The following SAMD3 variants were observed in gnomAD, a reference collection of about 807,000 sequenced individuals.
SAMD3 encodes sterile alpha motif domain-containing protein 3.
SAMD3 carries 63 observed loss-of-function variants against 58.5 expected under a neutral mutation model. That is an observed-to-expected ratio of 1.08 (90% confidence interval 0.88 to 1.33). The LOEUF (loss-of-function observed/expected upper bound fraction) is 1.33, where lower values mean the gene tolerates loss of function less well. Ranked by LOEUF, SAMD3 falls within the 40% of genes most tolerant of loss-of-function variation. The pLI, the probability that SAMD3 is intolerant of heterozygous loss-of-function variation, is 0.00. For synonymous variants in SAMD3, 220 were observed against 210.3 expected (o/e 1.05, Z -0.40); for missense variants, 604 against 608.4 (o/e 0.99, Z 0.08).
chr6:130,248,633 G>A (rs1403178104), intron 2 of SAMD3, among the ~76,000 whole-genome samples: 2 of 152,124 alleles, frequency 1.3e-5, no homozygotes, highest in Non-Finnish European at 2.9e-5. Flanking sequence ...GGCCTCAGGA[G>A]AAAGAAAAAA....
At chr6:130,302,764 A>G (rs967751489) in intron 2 of SAMD3, among the ~76,000 whole-genome samples, 1 of 152,206 alleles carries the variant, frequency 6.6e-6, no homozygotes, top group African/African-American at 2.4e-5. Context: ...AGAATGAAAT[A>G]ATATTTTTTT....
In SAMD3 at chr6:130,189,263, G is replaced by A. The variant is rs538463493; in HGVS notation, c.384-4640C>T. On this transcript the variant is annotated intron_variant, in intron 5 of 11. Coordinates refer to ENST00000439090, the MANE Select transcript of SAMD3 (RefSeq NM_001017373.4). Reference sequence around the variant, plus strand: ...TAATTTAGTTAAATGAAATCATAAGGTTGGGCCCTGAGATGACGGGATTGG... The same window carrying A: ...TAATTTAGTTAAATGAAATCATAAGATTGGGCCCTGAGATGACGGGATTGG... Among the ~76,000 whole-genome samples, 22 of 152,236 alleles carry A rather than the reference G, an allele frequency of 1.4e-4. No individual in the cohort carries two copies. The East Asian group carries it at 3.7e-3, about 25-fold the overall frequency.
chr6:130,340,292 T>C (rs903456608), intron 1 of SAMD3, among the ~76,000 whole-genome samples: 2 of 152,224 alleles, frequency 1.3e-5, no homozygotes, highest in African/African-American at 4.8e-5. Context: ...GGGGAGAATC[T>C]GTTTCCTTGC....
At chr6:130,149,588 G>T (rs1344509791) in intron 9 of SAMD3, among the ~76,000 whole-genome samples, 1 of 152,136 alleles carries the variant, frequency 6.6e-6, no homozygotes, top group African/African-American at 2.4e-5. Flanking sequence ...GGAGGCCATT[G>T]TTCTAAGCAA....
intron 8 of SAMD3, among the ~76,000 whole-genome samples, chr6:130,169,011 GC>G (rs966251787): frequency 6.6e-6 from 1 of 152,006 alleles, no homozygotes; most frequent in African/African-American, 2.4e-5. Flanking sequence ...TCACTATGTT[GC>G]CCAGGCTGGT....
chr6:130,297,031 G>T (rs369185384), intron 2 of SAMD3, among the ~76,000 whole-genome samples: 1 of 152,102 alleles, frequency 6.6e-6, no homozygotes, highest in Non-Finnish European at 1.5e-5. Flanking sequence ...TCCACCTGAC[G>T]ACAAGCCAGC....
At chr6:130,315,838 A>G (rs1171296192) in intron 1 of SAMD3, among the ~76,000 whole-genome samples, 1 of 152,154 alleles carries the variant, frequency 6.6e-6, no homozygotes, top group African/African-American at 2.4e-5. Flanking sequence ...TATTAATTCT[A>G]TAACGATGAG....
intron 1 of SAMD3, among the ~76,000 whole-genome samples, chr6:130,359,200 GAT>G (rs1043497185): frequency 6.6e-6 from 1 of 152,132 alleles, no homozygotes; most frequent in African/African-American, 2.4e-5. Flanking sequence ...AATTTTATAT[GAT>G]ATTTTTATCA....
chr6:130,345,770 C>A (rs72992440), intron 1 of SAMD3, among the ~76,000 whole-genome samples: 15,849 of 152,150 alleles, frequency 0.1, 979 homozygotes, highest in Admixed American at 0.14. Flanking sequence ...ACAAAAGAAG[C>A]CTGCCTGACT....
rs1279296761 is a variant in SAMD3 at position 130,337,974 on chromosome 6, A to G, written c.-303-24881T>C. On this transcript the variant is annotated intron_variant, in intron 1 of 13. Transcript: ENST00000368134. ...CATAAATAACAAGGTATCAAATGCT[A>G]ATCACCAAGGCAATGGGGAAAATTT... Among the ~76,000 whole-genome samples the G allele has an allele frequency of 2.0e-5, 3 of 152,250 alleles. No individual in the cohort carries two copies. In the East Asian group the frequency reaches 5.8e-4, roughly 29 times the overall value.
At chr6:130,245,559 CTG>C (rs1452065019) in intron 2 of SAMD3, among the ~76,000 whole-genome samples, 1 of 152,190 alleles carries the variant, frequency 6.6e-6, no homozygotes, top group Non-Finnish European at 1.5e-5. Context: ...TGCTATTGCA[CTG>C]TGTCTTTTGA....
At chr6:130,259,571 T>C (rs1034489099) in intron 2 of SAMD3, among the ~76,000 whole-genome samples, 5 of 152,150 alleles carry the variant, frequency 3.3e-5, no homozygotes, top group South Asian at 2.1e-4. Flanking sequence ...ATTCAAACCA[T>C]AGAAACACAT....
chr6:130,213,284 T>G (rs1795725117), intron 4 of SAMD3, among the ~76,000 whole-genome samples: 1 of 151,620 alleles, frequency 6.6e-6, no homozygotes, highest in Non-Finnish European at 1.5e-5. Context: ...GGGGTCAGAC[T>G]GAGACCCATC....
At position 130,289,490 on chromosome 6, in the gene SAMD3, GAA is replaced by G. The variant is rs143868278; in HGVS notation, c.-188+23486_-188+23487del. On this transcript the variant is annotated intron_variant, in intron 2 of 13. Coordinates refer to the SAMD3 transcript ENST00000368134. ...TATTTGAGAGGTAGTAAAAGGTAAA[GAA>G]AAAAAAATATATATAGAGAGAGAGA... is the stretch of plus-strand genomic sequence containing the variant. Among the ~76,000 whole-genome samples the G allele has an allele frequency of 4.7e-3, 623 of 131,330 alleles. 5 individuals are homozygous for G. Among genetic ancestry groups the G allele is most frequent in the African/African-American group, 0.015 (578 of 38,356 alleles). 86.2% of individuals were successfully genotyped at this position (131,330 alleles called of 152,430 possible).
intron 1 of SAMD3, among the ~76,000 whole-genome samples, chr6:130,341,705 C>T (rs554356131): frequency 1.3e-5 from 2 of 152,208 alleles, no homozygotes; most frequent in South Asian, 4.2e-4. Context: ...GATGGCAGCA[C>T]TTATGAGTGG....
chr6:130,273,425 G>C (rs760790553), intron 2 of SAMD3, among the ~76,000 whole-genome samples: 3 of 151,998 alleles, frequency 2.0e-5, no homozygotes, highest in African/African-American at 4.8e-5. Flanking sequence ...ACATATAGTT[G>C]GGTCTCTTAA....
At chr6:130,308,360 A>ATTCTATTCTATTCTATTCTATTCTATTCT (rs1775986088) in intron 2 of SAMD3, among the ~76,000 whole-genome samples, 18 of 27,404 alleles carry the variant, frequency 6.6e-4, no homozygotes, top group African/African-American at 1.7e-3. Flanking sequence ...ATTCTATTCT[A>ATTCTATTCTATTCTATTCTATTCTATTCT]TTCTATTCTA....
At chr6:130,210,756 A>G (rs1369601361) in intron 4 of SAMD3, among the ~76,000 whole-genome samples, 2 of 151,936 alleles carry the variant, frequency 1.3e-5, no homozygotes, top group Admixed American at 6.6e-5. Flanking sequence ...GCCTCATTAT[A>G]CCCTCCTCCC....
chr6:130,364,679 G>T (rs6923619), intron 1 of SAMD3, among the ~76,000 whole-genome samples: 72,263 of 151,246 alleles, frequency 0.48, 20,894 homozygotes, highest in African/African-American at 0.82. Context: ...TTCCCCCACC[G>T]TAACTCCTTT....
Sources: gnomAD v4.1 joint callset for allele counts (sites outside exome capture counted in the v4.1 genomes callset) on GRCh38, gnomAD v4.1.1 for gene constraint, MANE v1.5 for transcripts, NCBI Gene and HGNC (gene_info 2026-07-23, HGNC 2026-07-21) for gene names.